C9: variants seen among roughly 807,000 people sequenced by gnomAD.
The protein encoded by C9 is complement C9, also known as complement component C9.
In C9, 63 loss-of-function variants were observed where a neutral mutation model predicts 65.4. That is an observed-to-expected ratio of 0.96 (90% CI 0.79 to 1.19). C9 has a LOEUF of 1.19. Among genes scored for constraint, C9 ranks in the 50% most tolerant of loss-of-function variants. The pLI, the probability that C9 is intolerant of heterozygous loss-of-function variation, is 0.00. For synonymous variants in C9, 229 were observed against 227.9 expected, an observed-to-expected ratio of 1.00 and a Z score of -0.04; for missense variants, 744 against 670.1, an observed-to-expected ratio of 1.11 and a Z score of -1.22.
chr5:39,343,618 AG>A (rs1245935697), intron 1 of C9, among the ~76,000 whole-genome samples: 2 of 152,210 alleles, frequency 1.3e-5, no homozygotes, highest in African/African-American at 4.8e-5. Context: ...GCCAAATAAA[AG>A]GCAGCAGAAA....
At chr5:39,355,532 T>C (rs1352343314) in intron 1 of C9, among the ~76,000 whole-genome samples, 1 of 152,154 alleles carries the variant, frequency 6.6e-6, no homozygotes, top group Non-Finnish European at 1.5e-5. Context: ...CCTTTTATCT[T>C]TTATTGCTCT....
In C9 at chr5:39,290,014, A is replaced by T. The variant is rs148995928; in HGVS notation, c.1417-1063T>A. Reference sequence around the variant, plus strand: ...CTCAAATTCCTGCAGTAAGATACACAGTTGCTACACTGAAATCAAGGAAGT... The same window carrying T: ...CTCAAATTCCTGCAGTAAGATACACTGTTGCTACACTGAAATCAAGGAAGT... On this transcript the variant is annotated intron_variant, in intron 9 of 10. Transcript: ENST00000263408. Among the ~76,000 whole-genome samples, 152 of 152,074 alleles carry T rather than the reference A, an allele frequency of 1.0e-3. 1 individual carries two copies. Among genetic ancestry groups the T allele is most frequent in the African/African-American group, 3.2e-3 (134 of 41,548 alleles).
intron 4 of C9, among the ~76,000 whole-genome samples, chr5:39,339,699 G>A (rs1367304238): frequency 6.2e-5 from 7 of 112,688 alleles, no homozygotes; most frequent in South Asian, 3.1e-4. Context: ...TTGCTCTGTC[G>A]CCCAGGCTGG....
intron 5 of C9, among the ~76,000 whole-genome samples, chr5:39,329,667 A>G (rs561212664): frequency 1.3e-5 from 2 of 152,250 alleles, no homozygotes; most frequent in Non-Finnish European, 2.9e-5. Context: ...ATTATTGCCA[A>G]TAAGTAACTA....
intron 8 of C9, 142 bp from the exon 9 acceptor site, chr5:39,306,934 T>C (rs946118297): frequency 1.6e-5 from 10 of 626,840 alleles, no homozygotes; most frequent in Non-Finnish European, 2.5e-5. Flanking sequence ...ATTGTAAATA[T>C]TGCTTATGCA....
intron 9 of C9, among the ~76,000 whole-genome samples, chr5:39,303,307 G>A (rs1683496080): frequency 1.3e-5 from 2 of 152,070 alleles, no homozygotes; most frequent in South Asian, 4.1e-4. Context: ...CTGAAAGAGA[G>A]GGCCAGCCTA....
At position 39,311,202 on chromosome 5, in the gene C9, G is replaced by A. The variant is rs1185739158; in HGVS notation, c.1046C>T (p.Ser349Phe). The A allele has an allele frequency of 6.2e-7, 1 of 1,613,064 alleles. No homozygotes were observed. The highest frequency in any genetic ancestry group is 2.2e-5 in the East Asian group (1 of 44,868). ...LETYGTHYSS[S>F]GSLGGLYELI... ...TTCATAGAGTCCTCCTAGAGACCCA[G>A]AGCTACTGTAGTGAGTTCCATAGGT... The change falls in exon 7 of 11, where the codon TCT (serine) becomes TTT (phenylalanine). Residue 349 changes from serine (S) to phenylalanine (F), a missense_variant. Transcript: ENST00000263408.
chr5:39,341,198 A>G lies in C9; in HGVS notation c.424T>C (p.Cys142Arg). ...DDCESEPRPP[C>R]RDRVVEESEL... ...GACTCTTCTACCACTCTGTCTCTGC[A>G]GGGGGGACGGGGCTCACTTTCACAA... is the stretch of plus-strand genomic sequence containing the variant. The change falls in exon 4 of 11, where the codon TGC (cysteine) becomes CGC (arginine). Residue 142 changes from cysteine (C) to arginine (R), a missense_variant. Transcript: ENST00000263408. 6.2e-7 allele frequency: 1 copy of G among 1,614,150 alleles called. No individual in the cohort carries two copies. Among genetic ancestry groups the G allele is most frequent in the Non-Finnish European group, 8.5e-7 (1 of 1,180,000 alleles).
chr5:39,306,564 ATT>A, intron 9 of C9, 51 bp downstream of exon 9: 1 of 1,381,404 alleles, frequency 7.2e-7, no homozygotes, highest in South Asian at 1.2e-5. Context: ...ACAATGTGAC[ATT>A]TAATAAAAAA....
chr5:39,298,682 A>G (rs1307483678), intron 9 of C9, among the ~76,000 whole-genome samples: 1 of 151,824 alleles, frequency 6.6e-6, no homozygotes, highest in Non-Finnish European at 1.5e-5. Context: ...TAAAAAAGAC[A>G]TATCAATTCT....
At chr5:39,295,261 T>TA (rs1380252576) in intron 9 of C9, among the ~76,000 whole-genome samples, 1 of 151,748 alleles carries the variant, frequency 6.6e-6, no homozygotes, top group Non-Finnish European at 1.5e-5. Context: ...AAGAGGAAGT[T>TA]AAATTGTCCC....
chr5:39,343,678 G>T (rs564267047), intron 1 of C9, among the ~76,000 whole-genome samples: 2 of 152,144 alleles, frequency 1.3e-5, no homozygotes, highest in African/African-American at 4.8e-5. Flanking sequence ...AGAGAGTAGT[G>T]GTTCTCCCAG....
At chr5:39,301,313 T>C (rs1753276525) in intron 9 of C9, among the ~76,000 whole-genome samples, 1 of 151,942 alleles carries the variant, frequency 6.6e-6, no homozygotes, top group South Asian at 2.1e-4. Context: ...TAGGAAAGTC[T>C]GAAGACCTAT....
At chr5:39,285,829 G>A (rs554543378) in intron 10 of C9, among the ~76,000 whole-genome samples, 2 of 152,050 alleles carry the variant, frequency 1.3e-5, no homozygotes, top group Admixed American at 1.3e-4. Flanking sequence ...AGTTGAGGGA[G>A]AGAAAGTTGG....
intron 2 of C9, 126 bp downstream of exon 2, chr5:39,341,965 T>C: frequency 1.4e-6 from 1 of 734,910 alleles, no homozygotes. Context: ...CATTTAAATG[T>C]TTATCTCTCT....
intron 7 of C9, among the ~76,000 whole-genome samples, chr5:39,309,824 A>C (rs2111883666): frequency 6.6e-6 from 1 of 152,290 alleles, no homozygotes; most frequent in East Asian, 1.9e-4. Flanking sequence ...TGAGTTATTC[A>C]GGATTAAAGA....
rs1484748790 is a variant in C9, at chr5:39,288,925, T to C, written c.1443A>G (p.Pro481=). 2 of 1,606,394 alleles carry C rather than the reference T, an allele frequency of 1.2e-6. No homozygotes were observed. Among genetic ancestry groups the C allele is most frequent in the African/African-American group, 2.7e-5 (2 of 74,666 alleles). ...TTAGGTGTGCATTTTTCATTTTCAC[T>C]GGAACCAGATTATATATAGGAGACA... is the stretch of plus-strand genomic sequence containing the variant. ...QKLSPIYNLV[P]VKMKNAHLKK... is the part of the protein sequence containing the mutation. The change falls in exon 10 of 11, where the codon CCA becomes CCG. Residue 481 remains proline, a synonymous_variant. Coordinates refer to ENST00000263408, the MANE Select transcript of C9 (RefSeq NM_001737.5).
intron 6 of C9, among the ~76,000 whole-genome samples, chr5:39,314,226 G>T (rs1753534931): frequency 6.6e-6 from 1 of 152,062 alleles, no homozygotes; most frequent in South Asian, 2.1e-4. Context: ...GAGACGGGTG[G>T]ATCACCTGAG....
intron 1 of C9, among the ~76,000 whole-genome samples, chr5:39,351,753 G>A (rs774929638): frequency 1.8e-4 from 28 of 152,228 alleles, no homozygotes; most frequent in African/African-American, 6.7e-4. Context: ...ATCACTATCA[G>A]CATTTTGGCC....
Sources: gnomAD v4.1 joint callset for allele counts (sites outside exome capture counted in the v4.1 genomes callset) on GRCh38, gnomAD v4.1.1 for gene constraint, MANE v1.5 for transcripts, NCBI Gene and HGNC (gene_info 2026-07-23, HGNC 2026-07-21) for gene names.